UBL7: variants seen among roughly 807,000 people sequenced by gnomAD.
UBL7 encodes the protein ubiquitin-like protein 7.
UBL7 carries 21 observed loss-of-function variants against 41.7 expected under a neutral mutation model. The observed-to-expected ratio is 0.50, with a 90% confidence interval of 0.36 to 0.73. The LOEUF (loss-of-function observed/expected upper bound fraction) is 0.73. Ranked by LOEUF, UBL7 falls within the 30% of genes least tolerant of loss-of-function variation. UBL7 has a pLI of 0.00. For synonymous variants in UBL7, 157 were observed against 186.9 expected (o/e 0.84, Z 1.31); for missense variants, 403 against 478.4 (o/e 0.84, Z 1.47).
intron 1 of UBL7, 182 bp from the exon 2 acceptor site, chr15:74,459,078 C>T (rs890828855): frequency 5.1e-5 from 29 of 571,488 alleles, no homozygotes; most frequent in Non-Finnish European, 8.3e-5. Flanking sequence ...TGATGGACAG[C>T]TCTCTAGGCC....
At position 74,448,508 on chromosome 15, in the gene UBL7, G is replaced by A. The variant is rs139911238; in HGVS notation, c.975C>T (p.Ala325=). The A allele has an allele frequency of 1.7e-5, 27 of 1,613,968 alleles. No homozygotes were observed. Among genetic ancestry groups the A allele is most frequent in the Non-Finnish European group, 1.9e-5 (23 of 1,179,962 alleles). The change falls in exon 10 of 11, where the codon GCC becomes GCT. Residue 325 remains alanine (A), a synonymous_variant. Coordinates refer to ENST00000395081, the MANE Select transcript of UBL7 (RefSeq NM_032907.5). The stretch of plus-strand genomic sequence containing the variant: ...GGCTGGGCTGCCCAGAGGCCTGAAG[G>A]GCATGCTGTAGGGCTTGGCTGAAGA... ...NDLFSQALQH[A]LQASGQPSLQ...
intron 5 of UBL7, 63 bp downstream of exon 5, chr15:74,451,373 G>T: frequency 1.4e-6 from 2 of 1,403,634 alleles, no homozygotes; most frequent in African/African-American, 1.4e-5. Flanking sequence ...TAGAGGAATT[G>T]TCTTCTCCTG....
At position 74,454,694 on chromosome 15, in the gene UBL7, G is replaced by A. The variant is rs143583697; in HGVS notation, c.304+1858C>T. The stretch of plus-strand genomic sequence containing the variant: ...ATTACAGGCGTAAGCTGCTGCACCC[G>A]GCCAGAAAGGACTTCTTACAGGATT... On this transcript the variant is annotated intron_variant, in intron 3 of 10. Coordinates refer to ENST00000395081, the MANE Select transcript of UBL7 (RefSeq NM_032907.5). Among the ~76,000 whole-genome samples the A allele has an allele frequency of 1.9e-3, 296 of 152,234 alleles. 1 individual carries two copies. The highest frequency in any genetic ancestry group is 7.0e-3 in the African/African-American group (289 of 41,532).
intron 3 of UBL7, among the ~76,000 whole-genome samples, chr15:74,454,665 T>C (rs148885827): frequency 2.0e-5 from 3 of 152,332 alleles, no homozygotes. Flanking sequence ...CCCAAAGTTC[T>C]GGGATTACAG....
At chr15:74,459,737 G>A (rs550472672) in intron 1 of UBL7, among the ~76,000 whole-genome samples, 3 of 151,712 alleles carry the variant, frequency 2.0e-5, no homozygotes, top group Non-Finnish European at 4.4e-5. Flanking sequence ...AGGCCTAGGC[G>A]GGCGGATTGC....
At chr15:74,454,368 C>T (rs892885194) in intron 3 of UBL7, among the ~76,000 whole-genome samples, 2 of 152,052 alleles carry the variant, frequency 1.3e-5, no homozygotes, top group East Asian at 1.9e-4. Context: ...CACAGGAAAC[C>T]GTGGGCTGTC....
chr15:74,457,277 C>T (rs1290401379), intron 2 of UBL7, among the ~76,000 whole-genome samples: 1 of 152,182 alleles, frequency 6.6e-6, no homozygotes, highest in East Asian at 1.9e-4. Flanking sequence ...GGCACGGTGG[C>T]TCACACCTGT....
At chr15:74,453,446 A>C (rs983831814) in intron 3 of UBL7, among the ~76,000 whole-genome samples, 3 of 152,180 alleles carry the variant, frequency 2.0e-5, no homozygotes, top group Non-Finnish European at 4.4e-5. Flanking sequence ...GGCACCACTG[A>C]GAGGGAGGGT....
intron 3 of UBL7, among the ~76,000 whole-genome samples, chr15:74,454,421 A>C (rs905751988): frequency 6.6e-6 from 1 of 151,664 alleles, no homozygotes; most frequent in African/African-American, 2.4e-5. Flanking sequence ...TTTTTGAGAC[A>C]GAGTTTCGCT....
At chr15:74,453,608 C>G (rs1043149409) in intron 3 of UBL7, among the ~76,000 whole-genome samples, 2 of 152,240 alleles carry the variant, frequency 1.3e-5, no homozygotes, top group Non-Finnish European at 2.9e-5. Context: ...TTTGAACAAA[C>G]AGCAAGTCAT....
rs146341834 is a variant in UBL7 at position 74,446,891 on chromosome 15, T to A, written c.1006-664A>T. On this transcript the variant is annotated intron_variant, in intron 10 of 10. Transcript: ENST00000395081. The surrounding 1 kb of genome is among the most constrained non-coding windows in gnomAD (Gnocchi z 4.1). ...TAGCTTCATTAATATCTCTATTTCA[T>A]GACAGCAGGGATGAGCACAATTTAG... Among the ~76,000 whole-genome samples, 165 of 152,278 alleles carry A rather than the reference T, an allele frequency of 1.1e-3. No homozygotes were observed. Among genetic ancestry groups the A allele is most frequent in the African/African-American group, 3.9e-3 (163 of 41,544 alleles).
intron 10 of UBL7, 86 bp downstream of exon 10, chr15:74,448,392 G>A: frequency 6.3e-7 from 1 of 1,580,462 alleles, no homozygotes; most frequent in Non-Finnish European, 8.6e-7. Context: ...TGCCAGGTGT[G>A]AAGGACCGCC....
intron 10 of UBL7, among the ~76,000 whole-genome samples, 163 bp downstream of exon 10, chr15:74,448,315 G>A (rs983435677): frequency 2.0e-5 from 3 of 152,190 alleles, no homozygotes; most frequent in Non-Finnish European, 4.4e-5. Flanking sequence ...GTCTGAGAGT[G>A]TGCCCTTGCT....
At chr15:74,455,555 A>C (rs889840012) in intron 3 of UBL7, among the ~76,000 whole-genome samples, 2 of 152,248 alleles carry the variant, frequency 1.3e-5, no homozygotes, top group African/African-American at 4.8e-5. Flanking sequence ...AAGTGCCAAA[A>C]GTTTCCAGCT....
intron 3 of UBL7, among the ~76,000 whole-genome samples, chr15:74,455,990 G>T (rs1314832980): frequency 2.0e-5 from 3 of 152,172 alleles, no homozygotes; most frequent in African/African-American, 4.8e-5. Context: ...AGCCAGGCTT[G>T]GTGGTGGGCG....
Position 74,446,040 on chromosome 15 carries a change from A to G in UBL7, c.*50T>C, listed in dbSNP as rs2061179705. Reference sequence around the variant, plus strand: ...GGAGGCACCTTCATGAGTGCCTCCCAAGGGCAGTAGCCTCTGCAACTTGCT... The same window carrying G: ...GGAGGCACCTTCATGAGTGCCTCCCGAGGGCAGTAGCCTCTGCAACTTGCT... On this transcript the variant is annotated 3_prime_UTR_variant, in exon 11 of 11. Coordinates refer to ENST00000395081, the MANE Select transcript of UBL7 (RefSeq NM_032907.5). This position sits in a 1 kb window ranked among gnomAD's most constrained non-coding sequence, Gnocchi z 4.1. 2 of 1,600,494 alleles carry G rather than the reference A, an allele frequency of 1.2e-6. No individual in the cohort carries two copies.
rs756146672 is a variant in UBL7 at position 74,449,167 on chromosome 15, C to T, written c.882+19G>A. 6 of 1,530,112 alleles carry T rather than the reference C, an allele frequency of 3.9e-6. No homozygotes were observed. The Admixed American group carries it at 1.1e-4, about 28-fold the overall frequency. The allele number at this position is 1,530,112 out of a possible 1,614,324, so 94.8% of individuals were successfully genotyped here. ...TCCTTGGGGGCCCAGCCTTGATCTT[C>T]CCGGCCCCGTCTTCATACCTGGGTG... On this transcript the variant is annotated intron_variant, in intron 9 of 10. Transcript: ENST00000395081.
chr15:74,453,565 G>A (rs2061269310), intron 3 of UBL7, among the ~76,000 whole-genome samples: 1 of 152,216 alleles, frequency 6.6e-6, no homozygotes, highest in Non-Finnish European at 1.5e-5. Flanking sequence ...GAGAACATGT[G>A]CAAAGGCATG....
At chr15:74,459,190 T>A (rs1417780441) in intron 1 of UBL7, 3 of 262,238 alleles carry the variant, frequency 1.1e-5, no homozygotes, top group Non-Finnish European at 1.5e-5. Context: ...ATGCCCCTTT[T>A]TCCAATTTTC....
Sources: gnomAD v4.1 joint callset for allele counts (sites outside exome capture counted in the v4.1 genomes callset) on GRCh38, gnomAD v4.1.1 for gene constraint, Gnocchi (gnomAD v3.1) non-coding constraint, MANE v1.5 for transcripts, NCBI Gene and HGNC (gene_info 2026-07-23, HGNC 2026-07-21) for gene names.